Variants in TRPC4AP observed in about 807,000 individuals in gnomAD.
The protein encoded by TRPC4AP is short transient receptor potential channel 4-associated protein.
A neutral mutation model predicts 99.0 loss-of-function variants in TRPC4AP; 45 were observed. The ratio of observed to expected loss-of-function variants is 0.45; its 90% CI spans 0.36 to 0.58. The LOEUF is 0.58. Ranked by LOEUF, TRPC4AP falls within the 20% of genes least tolerant of loss-of-function variation. TRPC4AP has a pLI of 0.00. For missense variants in TRPC4AP, 879 were observed against 985.3 expected, an observed-to-expected ratio of 0.89 and a Z score of 1.44; for synonymous variants, 408 against 385.8, an observed-to-expected ratio of 1.06 and a Z score of -0.67.
chr20:35,078,438 G>A (rs961647866), intron 1 of TRPC4AP, among the ~76,000 whole-genome samples: 1 of 152,122 alleles, frequency 6.6e-6, no homozygotes, highest in Non-Finnish European at 1.5e-5. Flanking sequence ...TAGACTCGTC[G>A]TAAATATATA....
chr20:35,073,639 A>G (rs904142814), intron 2 of TRPC4AP, among the ~76,000 whole-genome samples: 1 of 152,198 alleles, frequency 6.6e-6, no homozygotes, highest in Non-Finnish European at 1.5e-5. Context: ...ATCGTGGTGA[A>G]TAAGCTTTTT....
chr20:35,046,673 C>A (rs1415302769), intron 6 of TRPC4AP, among the ~76,000 whole-genome samples: 1 of 152,118 alleles, frequency 6.6e-6, no homozygotes, highest in Non-Finnish European at 1.5e-5. Context: ...ATTTGCTGTG[C>A]AGGGGGCATT....
In TRPC4AP at chr20:35,012,995, C is replaced by T; in HGVS notation, c.1409+13G>A. ...CCCAACAACTCTCCTTGCAGGGACACTCTTGTACTTACTCGTGGTGGTCAC... is the reference window on the plus strand; with the variant it reads ...CCCAACAACTCTCCTTGCAGGGACATTCTTGTACTTACTCGTGGTGGTCAC... On this transcript the variant is annotated intron_variant, in intron 11 of 18. Coordinates refer to ENST00000252015, the MANE Select transcript of TRPC4AP (RefSeq NM_015638.3). The T allele has an allele frequency of 6.2e-7, 1 of 1,614,024 alleles. No homozygotes were observed. The highest frequency in any genetic ancestry group is 8.5e-7 in the Non-Finnish European group (1 of 1,179,964).
chr20:35,050,751 AAAAC>A (rs1348686838), intron 5 of TRPC4AP, among the ~76,000 whole-genome samples: 2 of 152,016 alleles, frequency 1.3e-5, no homozygotes, highest in South Asian at 4.1e-4. Flanking sequence ...CAACAACAAA[AAAAC>A]AAAACCCCCA....
intron 2 of TRPC4AP, among the ~76,000 whole-genome samples, chr20:35,077,021 C>T (rs1477171839): frequency 6.6e-6 from 1 of 152,188 alleles, no homozygotes; most frequent in Non-Finnish European, 1.5e-5. Context: ...GACTGCTGTG[C>T]TAGCAGTGAG....
Position 35,003,619 on chromosome 20 carries a change from G to C in TRPC4AP, c.2050-3C>G. The C allele has an allele frequency of 6.2e-7, 1 of 1,612,582 alleles. No homozygotes were observed. Among genetic ancestry groups the C allele is most frequent in the Non-Finnish European group, 8.5e-7 (1 of 1,179,588 alleles). ...GTGTTGAGGCAGCTGACGTTCTCCT[G>C]CAAGGCCACAGGCCCACAGGGTCAG... On this transcript the variant is annotated splice_region_variant and splice_polypyrimidine_tract_variant and intron_variant, in intron 17 of 18. Transcript: ENST00000252015.
intron 8 of TRPC4AP, among the ~76,000 whole-genome samples, chr20:35,033,644 C>T (rs2083252420): frequency 6.6e-6 from 1 of 152,152 alleles, no homozygotes; most frequent in Admixed American, 6.5e-5. Flanking sequence ...CTGTCTCCTT[C>T]CCTGGTTCTC....
chr20:35,051,803 C>T (rs1170064459), intron 5 of TRPC4AP, among the ~76,000 whole-genome samples: 1 of 152,124 alleles, frequency 6.6e-6, no homozygotes, highest in African/African-American at 2.4e-5. Context: ...TCCAGGCTGT[C>T]AAATACACAA....
chr20:35,091,235 C>CT (rs1038041159), intron 1 of TRPC4AP, among the ~76,000 whole-genome samples: 1 of 151,978 alleles, frequency 6.6e-6, no homozygotes, highest in Non-Finnish European at 1.5e-5. Flanking sequence ...AGCGATCTGC[C>CT]TGCCTCGGCC....
intron 7 of TRPC4AP, among the ~76,000 whole-genome samples, chr20:35,037,346 C>CAAAAAAAAAAAA (rs71196778): frequency 1.3e-5 from 1 of 78,964 alleles, no homozygotes; most frequent in Non-Finnish European, 2.4e-5. Context: ...GACTCTGTCT[C>CAAAAAAAAAAAA]AAAAAAAAAA....
chr20:35,027,738 T>C (rs142454801), intron 8 of TRPC4AP, among the ~76,000 whole-genome samples: 2,142 of 152,330 alleles, frequency 0.014, 37 homozygotes, highest in African/African-American at 0.049. Flanking sequence ...TTAGCTGCAA[T>C]AGTTTGTGTC....
intron 6 of TRPC4AP, among the ~76,000 whole-genome samples, chr20:35,047,779 AC>A (rs2083594523): frequency 1.3e-5 from 2 of 152,118 alleles, no homozygotes; most frequent in South Asian, 4.1e-4. Context: ...TGACTTTACA[AC>A]CTTCTGGGTT....
chr20:35,003,766 G>C (rs1357770570), intron 17 of TRPC4AP, 150 bp from the exon 18 acceptor site: 5 of 876,478 alleles, frequency 5.7e-6, no homozygotes, highest in Admixed American at 2.9e-5. Flanking sequence ...GATAGGACTG[G>C]GGGAAGGGGG....
In TRPC4AP at chr20:35,057,447, C is replaced by A. The variant is rs891364401; in HGVS notation, c.472+67G>T. On this transcript the variant is annotated intron_variant, in intron 4 of 18. Coordinates refer to ENST00000252015, the MANE Select transcript of TRPC4AP (RefSeq NM_015638.3). ...GTTAGGAAGGGAAGGAAGAAGGCAG[C>A]TGCTGGGAACTGCCACCGTATCGGC... The A allele has an allele frequency of 1.3e-5, 17 of 1,284,490 alleles. No homozygotes were observed. The Admixed American group carries it at 3.0e-4, about 23-fold the overall frequency. 79.6% of individuals were successfully genotyped at this position (1,284,490 alleles called of 1,614,324 possible). A position where few individuals can be genotyped will look rare whatever the true frequency, so the allele number is the denominator to read the frequency against.
intron 3 of TRPC4AP, among the ~76,000 whole-genome samples, chr20:35,057,970 A>G (rs2083881356): frequency 6.6e-6 from 1 of 152,216 alleles, no homozygotes; most frequent in Non-Finnish European, 1.5e-5. Flanking sequence ...ACTGATTTCT[A>G]CAGGTTTGGG....
At chr20:35,038,281 T>TTC (rs892121638) in intron 7 of TRPC4AP, among the ~76,000 whole-genome samples, 8 of 151,156 alleles carry the variant, frequency 5.3e-5, no homozygotes, top group African/African-American at 1.9e-4. Flanking sequence ...AGACACCATT[T>TTC]TTTTTTTTAA....
chr20:35,015,933 G>A, intron 10 of TRPC4AP, 75 bp downstream of exon 10: 2 of 1,582,476 alleles, frequency 1.3e-6, no homozygotes, highest in South Asian at 2.2e-5. Context: ...AAAGGTCAAA[G>A]GGTCAGCAGC....
rs75063217 is a variant in TRPC4AP, at chr20:35,062,835, A to G, written c.415-5264T>C. Among the ~76,000 whole-genome samples, 1,038 of 152,366 alleles carry G rather than the reference A, an allele frequency of 6.8e-3. 8 individuals carry two copies. Among genetic ancestry groups the G allele is most frequent in the Non-Finnish European group, 0.011 (737 of 68,040 alleles). Reference sequence around the variant, plus strand: ...TTATATCTTTTAATATATCTTTTAAATGGGTGACTTGTATGACATGAATTA... The same window carrying G: ...TTATATCTTTTAATATATCTTTTAAGTGGGTGACTTGTATGACATGAATTA... On this transcript the variant is annotated intron_variant, in intron 3 of 18. Transcript: ENST00000252015.
chr20:35,077,355 C>T (rs1472413963), intron 2 of TRPC4AP, among the ~76,000 whole-genome samples: 1 of 152,172 alleles, frequency 6.6e-6, no homozygotes, highest in Non-Finnish European at 1.5e-5. Flanking sequence ...TGCTGGGTAC[C>T]ATAGACTGGA....
Sources: gnomAD v4.1 joint callset for allele counts (sites outside exome capture counted in the v4.1 genomes callset) on GRCh38, gnomAD v4.1.1 for gene constraint, MANE v1.5 for transcripts, NCBI Gene and HGNC (gene_info 2026-07-23, HGNC 2026-07-21) for gene names.